CRPPA: variants seen among roughly 807,000 people sequenced by gnomAD.
CRPPA encodes D-ribitol-5-phosphate cytidylyltransferase.
A neutral mutation model predicts 52.0 loss-of-function variants in CRPPA; 43 were observed. The observed-to-expected ratio is 0.83, with a 90% CI of 0.65 to 1.07. The LOEUF is 1.07. CRPPA is among the 50% of genes least tolerant of loss of function. The probability of loss-of-function intolerance (pLI) is 0.00; values close to 1 mark genes in which losing one functional copy is unlikely to be tolerated. For synonymous variants in CRPPA, 250 were observed against 203.5 expected (o/e 1.23, Z -1.94); for missense variants, 629 against 551.7 (o/e 1.14, Z -1.40).
intron 3 of CRPPA, among the ~76,000 whole-genome samples, chr7:16,312,296 G>C (rs1458466367): frequency 2.0e-5 from 3 of 151,932 alleles, no homozygotes; most frequent in Non-Finnish European, 4.4e-5. Flanking sequence ...AAGTCTTTCA[G>C]AGTTTTGCAG....
chr7:16,373,607 C>T (rs1287177736), intron 3 of CRPPA, among the ~76,000 whole-genome samples: 4 of 152,110 alleles, frequency 2.6e-5, no homozygotes, highest in Non-Finnish European at 5.9e-5. Flanking sequence ...ACTAAAAGAA[C>T]ACAGAACGGG....
At chr7:16,113,328 G>C (rs1316622619) in intron 9 of CRPPA, among the ~76,000 whole-genome samples, 1 of 151,802 alleles carries the variant, frequency 6.6e-6, no homozygotes, top group Non-Finnish European at 1.5e-5. Context: ...TAAAAGATTT[G>C]GTAGATACAA....
At chr7:16,223,712 T>C (rs986412832) in intron 8 of CRPPA, among the ~76,000 whole-genome samples, 5 of 152,206 alleles carry the variant, frequency 3.3e-5, no homozygotes, top group Admixed American at 2.6e-4. Flanking sequence ...AGCTGTTTTA[T>C]ATAACCACAG....
chr7:16,387,462 T>A (rs1787317423), intron 2 of CRPPA, among the ~76,000 whole-genome samples: 1 of 151,914 alleles, frequency 6.6e-6, no homozygotes, highest in South Asian at 2.1e-4. Flanking sequence ...TTTCACTTAC[T>A]ACAAAAGAAA....
At chr7:16,143,499 A>G (rs1358924415) in intron 9 of CRPPA, among the ~76,000 whole-genome samples, 1 of 152,208 alleles carries the variant, frequency 6.6e-6, no homozygotes, top group African/African-American at 2.4e-5. Flanking sequence ...AGGTACCAAC[A>G]AGGTCACTGC....
chr7:16,135,682 C>T (rs774521028), intron 9 of CRPPA, among the ~76,000 whole-genome samples: 2 of 152,136 alleles, frequency 1.3e-5, no homozygotes. Context: ...ATCAGAGCCA[C>T]CTTATGCAGA....
Position 16,258,908 on chromosome 7 carries a change from G to C in CRPPA, c.1026+12C>G. On this transcript the variant is annotated intron_variant, in intron 7 of 9. Coordinates refer to ENST00000407010, the MANE Select transcript of CRPPA (RefSeq NM_001101426.4). ...TATCCTTAAGTGCCTTCAATCATTT[G>C]AATTGACTTACATTCACACAAACAA... 1 of 1,574,002 alleles carries C rather than the reference G, an allele frequency of 6.4e-7. No homozygotes were observed. Among genetic ancestry groups the C allele is most frequent in the Non-Finnish European group, 8.7e-7 (1 of 1,149,924 alleles).
At chr7:16,170,627 T>G (rs1032186558) in intron 9 of CRPPA, among the ~76,000 whole-genome samples, 12 of 152,350 alleles carry the variant, frequency 7.9e-5, no homozygotes, top group African/African-American at 2.9e-4. Context: ...CTAGGGCAGC[T>G]TGCTTTTATT....
At chr7:16,257,237 C>T (rs1053856491) in intron 8 of CRPPA, among the ~76,000 whole-genome samples, 3 of 152,082 alleles carry the variant, frequency 2.0e-5, no homozygotes, top group East Asian at 1.9e-4. Flanking sequence ...CTACATTGGA[C>T]GGCCTCATCA....
At chr7:16,315,189 G>C (rs1416312530) in intron 3 of CRPPA, among the ~76,000 whole-genome samples, 1 of 152,054 alleles carries the variant, frequency 6.6e-6, no homozygotes, top group Admixed American at 6.6e-5. Flanking sequence ...TTTTATGATA[G>C]TGTTTCTGAT....
intron 3 of CRPPA, among the ~76,000 whole-genome samples, chr7:16,348,950 C>T (rs76942639): frequency 0.034 from 5,228 of 152,236 alleles, 333 homozygotes; most frequent in African/African-American, 0.12. Flanking sequence ...TAGTCCTAGA[C>T]CACAGAGGAC....
At chr7:16,113,298 T>C (rs574521038) in intron 9 of CRPPA, among the ~76,000 whole-genome samples, 2 of 151,678 alleles carry the variant, frequency 1.3e-5, no homozygotes, top group African/African-American at 2.4e-5. Flanking sequence ...GACAATGAAA[T>C]GGAAAACAGA....
In CRPPA at chr7:16,087,679, T is replaced by C. The variant is rs1317508754; in HGVS notation, c.*4016A>G. 3 of 152,100 alleles carry C rather than the reference T, an allele frequency of 2.0e-5. No individual in the cohort carries two copies. The highest frequency in any genetic ancestry group is 2.9e-5 in the Non-Finnish European group (2 of 67,972). The allele number at this position is 152,100 out of a possible 1,614,324, so 9.4% of individuals were successfully genotyped here. Reference sequence around the variant, plus strand: ...ATAAGAACATATATAAATGCAACTATAATGCCAACCACCACCTACACAGCT... The same window carrying C: ...ATAAGAACATATATAAATGCAACTACAATGCCAACCACCACCTACACAGCT... On this transcript the variant is annotated 3_prime_UTR_variant, in exon 10 of 10. Coordinates refer to ENST00000407010, the MANE Select transcript of CRPPA (RefSeq NM_001101426.4).
chr7:16,217,098 A>G (rs867032198), intron 8 of CRPPA, among the ~76,000 whole-genome samples: 31 of 150,202 alleles, frequency 2.1e-4, no homozygotes, highest in Middle Eastern at 3.5e-3. Context: ...AGATCTGAGA[A>G]CGGGCAGACT....
chr7:16,235,878 C>T (rs1052828225), intron 8 of CRPPA: 3 of 152,032 alleles, frequency 2.0e-5, no homozygotes, highest in Non-Finnish European at 2.9e-5. Flanking sequence ...GGGGATAATG[C>T]TATCTGTGAT....
intron 2 of CRPPA, among the ~76,000 whole-genome samples, chr7:16,400,701 G>C (rs1236200942): frequency 6.6e-6 from 1 of 152,302 alleles, no homozygotes; most frequent in South Asian, 2.1e-4. Context: ...ACTCGTGTAT[G>C]ACACGTTACA....
chr7:16,219,143 C>G lies in CRPPA; in HGVS notation c.1120-2946G>C, dbSNP rs540694537. 3.6e-3 allele frequency among the ~76,000 whole-genome samples: 547 copies of G among 152,058 alleles called. 1 individual carries two copies. Among genetic ancestry groups the G allele is most frequent in the Non-Finnish European group, 6.5e-3 (439 of 67,940 alleles). ...AGAACTCAGGATTAAGAATCTCACT[C>G]AAAACCGCTCAACTACATGGAAACT... is the stretch of plus-strand genomic sequence containing the variant. On this transcript the variant is annotated intron_variant, in intron 8 of 9. Coordinates refer to ENST00000407010, the MANE Select transcript of CRPPA (RefSeq NM_001101426.4).
At chr7:16,399,868 C>T (rs1349284311) in intron 2 of CRPPA, among the ~76,000 whole-genome samples, 1 of 151,622 alleles carries the variant, frequency 6.6e-6, no homozygotes, top group Non-Finnish European at 1.5e-5. Flanking sequence ...TGACACATGA[C>T]TAACACGTGA....
chr7:16,343,253 G>A (rs144912959), intron 3 of CRPPA, among the ~76,000 whole-genome samples: 118 of 152,034 alleles, frequency 7.8e-4, no homozygotes, highest in African/African-American at 2.4e-3. Context: ...ACATCTAGGG[G>A]ATGTTTATTC....
Sources: allele counts gnomAD v4.1 joint callset (sites outside exome capture counted in the v4.1 genomes callset), GRCh38; gene constraint gnomAD v4.1.1; transcripts MANE v1.5; gene names NCBI Gene and HGNC (gene_info 2026-07-23, HGNC 2026-07-21).